The following MTBP variants were observed in gnomAD, a reference collection of about 807,000 sequenced individuals.
MTBP encodes the protein MDM2 binding protein, also known as mdm2-binding protein.
In MTBP, 101 loss-of-function variants were observed where a neutral mutation model predicts 117.0. The observed-to-expected ratio is 0.86, with a 90% CI of 0.73 to 1.02. The LOEUF (loss-of-function observed/expected upper bound fraction) is 1.02. Among genes scored for constraint, MTBP ranks in the 50% least tolerant of loss-of-function variants. The pLI is 0.00. For synonymous variants in MTBP, 350 were observed against 351.5 expected (o/e 1.00, Z 0.05); for missense variants, 970 against 1,030.9 (o/e 0.94, Z 0.81).
chr8:120,522,889 A>G (rs927572782), intron 21 of MTBP, among the ~76,000 whole-genome samples, 170 bp downstream of exon 21: 3 of 152,186 alleles, frequency 2.0e-5, no homozygotes, highest in Non-Finnish European at 4.4e-5. Flanking sequence ...TGAGTATTTC[A>G]TAGTATTTAG....
intron 12 of MTBP, among the ~76,000 whole-genome samples, 190 bp downstream of exon 12, chr8:120,488,522 G>A (rs1224591605): frequency 3.3e-5 from 5 of 152,074 alleles, no homozygotes; most frequent in Non-Finnish European, 5.9e-5. Flanking sequence ...TGTGCAAAGA[G>A]CAAATTGCTT....
intron 11 of MTBP, among the ~76,000 whole-genome samples, chr8:120,474,510 C>T (rs1441123074): frequency 1.3e-5 from 2 of 152,016 alleles, no homozygotes; most frequent in South Asian, 2.1e-4. Flanking sequence ...TCAGATCATT[C>T]TCCTACACCA....
chr8:120,517,636 G>T (rs970941004), intron 18 of MTBP, among the ~76,000 whole-genome samples: 3 of 150,804 alleles, frequency 2.0e-5, no homozygotes, highest in Non-Finnish European at 4.4e-5. Flanking sequence ...ATAACATAGT[G>T]GTATAGTGTT....
chr8:120,496,504 C>T (rs927123415), intron 13 of MTBP, among the ~76,000 whole-genome samples: 7 of 152,134 alleles, frequency 4.6e-5, no homozygotes, highest in African/African-American at 1.4e-4. Context: ...AACTCCACCC[C>T]TTGCTATCTA....
At chr8:120,445,613 G>C (rs779176485) in intron 1 of MTBP, 25 bp downstream of exon 1, 1 of 1,571,364 alleles carries the variant, frequency 6.4e-7, no homozygotes, top group East Asian at 2.3e-5. Flanking sequence ...GAGAAAGAGC[G>C]GGAACGGCTT....
At chr8:120,520,606 T>G (rs1445933875) in intron 20 of MTBP, among the ~76,000 whole-genome samples, 1 of 152,104 alleles carries the variant, frequency 6.6e-6, no homozygotes, top group Non-Finnish European at 1.5e-5. Context: ...CACATAATTA[T>G]GGAATTTCAC....
At chr8:120,468,936 C>T (rs1327800926) in intron 10 of MTBP, among the ~76,000 whole-genome samples, 3 of 152,026 alleles carry the variant, frequency 2.0e-5, no homozygotes, top group Admixed American at 6.6e-5. Context: ...AGAAATTGTT[C>T]GTTGTTGTGT....
chr8:120,473,252 T>G (rs1813861232), intron 11 of MTBP: 1 of 152,140 alleles, frequency 6.6e-6, no homozygotes, highest in East Asian at 1.9e-4. Flanking sequence ...CAATTCGTGG[T>G]TGGTTGAATC....
At chr8:120,509,903 T>C (rs901307344) in intron 16 of MTBP, 31 bp from the exon 17 acceptor site, 47 of 1,485,770 alleles carry the variant, frequency 3.2e-5, no homozygotes, top group Non-Finnish European at 4.3e-5. Context: ...TAAATAAACT[T>C]TGAATACAAA....
intron 15 of MTBP, 29 bp downstream of exon 15, chr8:120,502,638 T>A: frequency 7.7e-7 from 1 of 1,295,634 alleles, no homozygotes; most frequent in South Asian, 1.3e-5. Context: ...GTAAAGCATG[T>A]GATAGCTCAG....
chr8:120,520,529 G>C (rs7464523), intron 20 of MTBP, among the ~76,000 whole-genome samples: 81,365 of 152,020 alleles, frequency 0.54, 24,791 homozygotes, highest in Non-Finnish European at 0.67. Context: ...ATATAACAAA[G>C]TTTTCCAGGA....
At chr8:120,455,893 G>A (rs1586938979) in intron 6 of MTBP, among the ~76,000 whole-genome samples, 1 of 152,006 alleles carries the variant, frequency 6.6e-6, no homozygotes, top group Admixed American at 6.5e-5. Context: ...TGTTGTATTT[G>A]GTTTTCTGTT....
At chr8:120,497,588 G>C in intron 14 of MTBP, 34 bp downstream of exon 14, 2 of 627,474 alleles carry the variant, frequency 3.2e-6, no homozygotes, top group East Asian at 6.6e-5. Context: ...TTTAGTTCGT[G>C]TGTGTGTGGC....
chr8:120,501,143 ATTG>A (rs1814576712), intron 14 of MTBP, among the ~76,000 whole-genome samples: 2 of 136,242 alleles, frequency 1.5e-5, no homozygotes, highest in Admixed American at 8.4e-5. Context: ...GTGAGCCGAG[ATTG>A]CGCCACTGCA....
chr8:120,479,530 T>C (rs1361601316), intron 11 of MTBP, among the ~76,000 whole-genome samples: 1 of 152,216 alleles, frequency 6.6e-6, no homozygotes, highest in Non-Finnish European at 1.5e-5. Context: ...CACTTAACTT[T>C]ATACTCATTC....
intron 14 of MTBP, among the ~76,000 whole-genome samples, chr8:120,501,568 A>AC (rs1329306824): frequency 6.6e-6 from 1 of 151,940 alleles, no homozygotes; most frequent in Non-Finnish European, 1.5e-5. Context: ...GAAAAAAAAA[A>AC]AAAAATTCCT....
At chr8:120,455,120 ATGTG>A (rs1222883238) in intron 5 of MTBP, among the ~76,000 whole-genome samples, 1 of 151,806 alleles carries the variant, frequency 6.6e-6, no homozygotes, top group Non-Finnish European at 1.5e-5. Context: ...CATGAGAGTG[ATGTG>A]TGTAATTAAC....
chr8:120,470,869 C>T lies in MTBP; in HGVS notation c.1097C>T (p.Pro366Leu). 6.2e-7 allele frequency: 1 copy of T among 1,612,622 alleles called. No homozygotes were observed. Among genetic ancestry groups the T allele is most frequent in the Non-Finnish European group, 8.5e-7 (1 of 1,179,116 alleles). The stretch of plus-strand genomic sequence containing the variant: ...TGTACCATTAGTAACATACTGATTC[C>T]ACCTCCCAACCAACTCAGTTCAAGA... ...LPCTISNILI[P>L]PPNQLSSRKW... The change falls in exon 11 of 22, where the codon CCA becomes CTA. Residue 366 changes from proline to leucine, a missense_variant. Coordinates refer to ENST00000305949, the MANE Select transcript of MTBP (RefSeq NM_022045.5).
intron 11 of MTBP, among the ~76,000 whole-genome samples, chr8:120,485,801 T>A (rs1254067419): frequency 6.6e-6 from 1 of 152,184 alleles, no homozygotes; most frequent in Non-Finnish European, 1.5e-5. Flanking sequence ...GCGTATTTAT[T>A]TGTTGTATGA....
Sources: allele counts gnomAD v4.1 joint callset (sites outside exome capture counted in the v4.1 genomes callset), GRCh38; gene constraint gnomAD v4.1.1; transcripts MANE v1.5; gene names NCBI Gene and HGNC (gene_info 2026-07-23, HGNC 2026-07-21).